Variants in COMMD10 observed in about 807,000 individuals in gnomAD.
The protein encoded by COMMD10 is COMM domain containing 10, also known as COMM domain-containing protein 10.
Under a neutral mutation model 28.9 loss-of-function variants are expected in COMMD10, and 33 were observed. The observed-to-expected ratio is 1.14, with a 90% CI of 0.87 to 1.53. COMMD10 has a LOEUF of 1.53. Among genes scored for constraint, COMMD10 ranks in the 40% most tolerant of loss-of-function variants. COMMD10 has a pLI of 0.00. For missense variants in COMMD10, 310 were observed against 233.4 expected (o/e 1.33, Z -2.14); for synonymous variants, 110 against 81.7 (o/e 1.35, Z -1.87).
chr5:116,178,761 A>G (rs999549947), intron 5 of COMMD10, among the ~76,000 whole-genome samples: 2 of 152,126 alleles, frequency 1.3e-5, no homozygotes, highest in Admixed American at 6.6e-5. Context: ...TTGGTTTATA[A>G]TAAGGTTTTA....
At chr5:116,221,683 C>T (rs1749263738) in intron 5 of COMMD10, among the ~76,000 whole-genome samples, 1 of 152,152 alleles carries the variant, frequency 6.6e-6, no homozygotes, top group African/African-American at 2.4e-5. Flanking sequence ...GTGGGCTATG[C>T]ACAGATGAAA....
chr5:116,090,961 A>C, intron 2 of COMMD10, 118 bp from the exon 3 acceptor site: 1 of 565,290 alleles, frequency 1.8e-6, no homozygotes, highest in Non-Finnish European at 3.1e-6. Context: ...GTTTCTTTTC[A>C]CCATGTATTT....
intron 5 of COMMD10, among the ~76,000 whole-genome samples, chr5:116,175,717 C>T (rs752689872): frequency 2.6e-5 from 4 of 152,182 alleles, no homozygotes; most frequent in South Asian, 2.1e-4. Flanking sequence ...TTCTGCCATA[C>T]GTTGCAACAT....
At chr5:116,260,223 T>C (rs1750406315) in intron 5 of COMMD10, among the ~76,000 whole-genome samples, 1 of 151,804 alleles carries the variant, frequency 6.6e-6, no homozygotes, top group African/African-American at 2.4e-5. Flanking sequence ...TATCAACATA[T>C]TATGAAGGGA....
At chr5:116,237,938 C>T (rs1749716784) in intron 5 of COMMD10, among the ~76,000 whole-genome samples, 1 of 152,022 alleles carries the variant, frequency 6.6e-6, no homozygotes, top group African/African-American at 2.4e-5. Flanking sequence ...CGTTTCAAAG[C>T]AATTTTCTTA....
At chr5:116,270,590 G>C (rs987314883) in intron 5 of COMMD10, among the ~76,000 whole-genome samples, 1 of 151,840 alleles carries the variant, frequency 6.6e-6, no homozygotes, top group Non-Finnish European at 1.5e-5. Flanking sequence ...ATGGGGACTA[G>C]AAAGAACAGG....
chr5:116,091,912 A>G (rs1750310045), intron 3 of COMMD10, among the ~76,000 whole-genome samples: 1 of 152,230 alleles, frequency 6.6e-6, no homozygotes, highest in African/African-American at 2.4e-5. Context: ...TGAACATATT[A>G]GGAGGACAAG....
intron 5 of COMMD10, among the ~76,000 whole-genome samples, chr5:116,140,343 A>T (rs1752161415): frequency 6.6e-6 from 1 of 151,740 alleles, no homozygotes; most frequent in Admixed American, 6.6e-5. Context: ...ATTGATAGAT[A>T]GTTACGTTGT....
intron 4 of COMMD10, among the ~76,000 whole-genome samples, chr5:116,122,835 G>A (rs1272976304): frequency 1.3e-5 from 2 of 152,184 alleles, no homozygotes; most frequent in African/African-American, 2.4e-5. Flanking sequence ...TTTGTATCCT[G>A]AGACTTTGCT....
At chr5:116,267,086 A>T (rs1370924415) in intron 5 of COMMD10, among the ~76,000 whole-genome samples, 1 of 151,808 alleles carries the variant, frequency 6.6e-6, no homozygotes, top group Non-Finnish European at 1.5e-5. Context: ...AGTATTGGAA[A>T]TTCTGGCCAG....
At chr5:116,139,964 A>G (rs1752143547) in intron 5 of COMMD10, among the ~76,000 whole-genome samples, 1 of 151,734 alleles carries the variant, frequency 6.6e-6, no homozygotes, top group Non-Finnish European at 1.5e-5. Flanking sequence ...TATAGTCCTG[A>G]TGCTGTACAT....
intron 4 of COMMD10, among the ~76,000 whole-genome samples, chr5:116,133,559 C>T (rs890225886): frequency 3.9e-5 from 6 of 152,046 alleles, no homozygotes; most frequent in Non-Finnish European, 8.8e-5. Flanking sequence ...AACCTCTTAC[C>T]ATCTGGATAC....
At chr5:116,194,564 C>G (rs559497552) in intron 5 of COMMD10, among the ~76,000 whole-genome samples, 1 of 152,150 alleles carries the variant, frequency 6.6e-6, no homozygotes, top group East Asian at 1.9e-4. Flanking sequence ...ACTAGAAAAC[C>G]AAGAAGAGAT....
At chr5:116,196,513 A>AT (rs1748526501) in intron 5 of COMMD10, among the ~76,000 whole-genome samples, 1 of 151,964 alleles carries the variant, frequency 6.6e-6, no homozygotes, top group South Asian at 2.1e-4. Context: ...TATGTTAAAA[A>AT]AAAAAAGTAA....
chr5:116,125,260 G>T (rs1410673738), intron 4 of COMMD10, among the ~76,000 whole-genome samples: 1 of 151,996 alleles, frequency 6.6e-6, no homozygotes, highest in African/African-American at 2.4e-5. Flanking sequence ...TAGTGACAAA[G>T]TCTGTCAGCA....
intron 5 of COMMD10, among the ~76,000 whole-genome samples, chr5:116,175,575 G>T (rs1314261286): frequency 6.6e-6 from 1 of 151,860 alleles, no homozygotes; most frequent in Non-Finnish European, 1.5e-5. Flanking sequence ...ATCCACCCAT[G>T]TTTGTAGCAG....
At chr5:116,266,582 A>G (rs1445236730) in intron 5 of COMMD10, among the ~76,000 whole-genome samples, 3 of 151,926 alleles carry the variant, frequency 2.0e-5, no homozygotes, top group East Asian at 1.9e-4. Flanking sequence ...ATCTCTTTCC[A>G]TAACCTGTCA....
intron 5 of COMMD10, among the ~76,000 whole-genome samples, chr5:116,229,546 A>C (rs1749476299): frequency 6.6e-6 from 1 of 152,066 alleles, no homozygotes; most frequent in Non-Finnish European, 1.5e-5. Flanking sequence ...ATTATTGAGC[A>C]GTTCTGTAGC....
intron 5 of COMMD10, among the ~76,000 whole-genome samples, chr5:116,212,674 TAATG>T (rs780247169): frequency 6.6e-6 from 1 of 152,104 alleles, no homozygotes; most frequent in Non-Finnish European, 1.5e-5. Flanking sequence ...TGAAATTAAA[TAATG>T]AATTCATCAC....
Sources: gnomAD v4.1 joint callset for allele counts (sites outside exome capture counted in the v4.1 genomes callset) on GRCh38, gnomAD v4.1.1 for gene constraint, MANE v1.5 for transcripts, NCBI Gene and HGNC (gene_info 2026-07-23, HGNC 2026-07-21) for gene names.